Variants in RASAL3 observed in about 807,000 individuals in gnomAD.
RASAL3 encodes the protein RAS protein activator like 3.
Under a neutral mutation model 105.5 loss-of-function variants are expected in RASAL3, and 74 were observed. That is an observed-to-expected ratio of 0.70 (90% CI 0.58 to 0.85). The LOEUF (loss-of-function observed/expected upper bound fraction) is 0.85. Ranked by LOEUF, RASAL3 falls within the 40% of genes least tolerant of loss-of-function variation. RASAL3 has a pLI of 0.00. For synonymous variants in RASAL3, 579 were observed against 591.6 expected, an observed-to-expected ratio of 0.98 and a Z score of 0.31; for missense variants, 1,352 against 1,392.0, an observed-to-expected ratio of 0.97 and a Z score of 0.46.
chr19:15,453,224 C>A lies in RASAL3; in HGVS notation c.2553G>T (p.Arg851=). Residue 851 remains arginine, a synonymous_variant, in exon 15 of 18, where the codon CGG becomes CGT. Transcript: ENST00000343625. The surrounding 1 kb of genome is among the most constrained non-coding windows in gnomAD (Gnocchi z 4.2). ...GCGAGGCGGAGTCCCGGGTCCAAGG[C>A]CGGGCGCGGGGCGCTGGTCCCATGC... ...SLSMGPAPRA[R]PWTRDSASLP... 6.2e-7 allele frequency: 1 copy of A among 1,603,794 alleles called. No individual in the cohort carries two copies. The highest frequency in any genetic ancestry group is 8.5e-7 in the Non-Finnish European group (1 of 1,176,096).
At chr19:15,463,911 C>T in intron 2 of RASAL3, 120 bp downstream of exon 2, 1 of 960,288 alleles carries the variant, frequency 1.0e-6, no homozygotes, top group Non-Finnish European at 1.5e-6. Flanking sequence ...CGGCTTCCTG[C>T]TGGGCTTTTG....
At position 15,454,234 on chromosome 19, in the gene RASAL3, T is replaced by C; in HGVS notation, c.2194A>G (p.Ile732Val). ...TRDTLEPLPT[I>V]LRAIEEGQPV... ...TGGCCCTCCTCAATGGCTCGCAGGA[T>C]GGTGGGCAGTGGTTCCAGGGTGTCT... The change falls in exon 14 of 18, where the codon ATC becomes GTC. Residue 732 changes from isoleucine (I) to valine (V), a missense_variant. Physicochemically the swap from Ile to Val is conservative, Grantham distance 29. Transcript: ENST00000343625. 1 of 1,566,062 alleles carries C rather than the reference T, an allele frequency of 6.4e-7. No homozygotes were observed. The highest frequency in any genetic ancestry group is 8.7e-7 in the Non-Finnish European group (1 of 1,155,388).
rs2145452145 is a variant in RASAL3 at position 15,453,537 on chromosome 19, C to T, written c.2280-40G>A. On this transcript the variant is annotated intron_variant, in intron 14 of 17. Transcript: ENST00000343625. This position sits in a 1 kb window ranked among gnomAD's most constrained non-coding sequence, Gnocchi z 4.2. ...GAGGATCTTAGACCCTCCACTGGCC[C>T]CTGAGACGACCCCATCCCGACCTGA... 6.8e-7 allele frequency: 1 copy of T among 1,470,316 alleles called. No homozygotes were observed. The highest frequency in any genetic ancestry group is 8.9e-7 in the Non-Finnish European group (1 of 1,120,706). The allele number at this position is 1,470,316 out of a possible 1,614,324, so 91.1% of individuals were successfully genotyped here.
rs530382187 is a variant in RASAL3 at position 15,463,161 on chromosome 19, C to T, written c.328+870G>A. Among the ~76,000 whole-genome samples the T allele has an allele frequency of 2.0e-5, 3 of 151,450 alleles. No homozygotes were observed. In the East Asian group the frequency reaches 5.9e-4, roughly 30 times the overall value. Reference sequence around the variant, plus strand: ...AGTGCAGTAGTGCAATCTCAGCTCACTGCAACCTCCACCTCCCGGGTTCAA... The same window carrying T: ...AGTGCAGTAGTGCAATCTCAGCTCATTGCAACCTCCACCTCCCGGGTTCAA... On this transcript the variant is annotated intron_variant, in intron 2 of 17. Transcript: ENST00000343625.
At chr19:15,454,123 A>C (rs1599734092) in intron 14 of RASAL3, 26 bp downstream of exon 14, 1 of 1,506,896 alleles carries the variant, frequency 6.6e-7, no homozygotes, top group East Asian at 2.5e-5. Flanking sequence ...CCCACCCATC[A>C]GACCCCAGAC....
Position 15,451,647 on chromosome 19 carries a change from T to C in RASAL3, c.*148A>G, listed in dbSNP as rs1211820020. On this transcript the variant is annotated 3_prime_UTR_variant, in exon 18 of 18. Transcript: ENST00000343625. ...AATTTCACTGAAATCAAGATTTTAC[T>C]GGGCAACTTCATACTGCCAGAGTGG... The C allele has an allele frequency of 6.3e-6, 5 of 787,984 alleles. No homozygotes were observed. Among genetic ancestry groups the C allele is most frequent in the Admixed American group, 2.7e-5 (1 of 36,840 alleles). 48.8% of individuals were successfully genotyped at this position (787,984 alleles called of 1,614,324 possible). A position where few individuals can be genotyped will look rare whatever the true frequency, so the allele number is the denominator to read the frequency against.
rs746316249 is a variant in RASAL3, at chr19:15,454,214, C to T, written c.2214G>A (p.Glu738=). The T allele has an allele frequency of 2.9e-5, 45 of 1,570,858 alleles. No individual in the cohort carries two copies. The African/African-American group carries it at 3.1e-4, about 11-fold the overall frequency. The change falls in exon 14 of 18, where the codon GAG becomes GAA. Residue 738 remains glutamate, a synonymous_variant. Transcript: ENST00000343625. ...GCACTGACACAAGCACAGGCTGGCC[C>T]TCCTCAATGGCTCGCAGGATGGTGG... The part of the protein sequence containing the change: ...PLPTILRAIE[E]GQPVLVSVPM...
At position 15,458,331 on chromosome 19, in the gene RASAL3, G is replaced by C; in HGVS notation, c.885C>G (p.Thr295=). Reference sequence around the variant, plus strand: ...CCGCTTTTCTGAGGGCAATGACCTGGGTGGGCTGGAATTGGCGACGAAGGT... The same window carrying C: ...CCGCTTTTCTGAGGGCAATGACCTGCGTGGGCTGGAATTGGCGACGAAGGT... ...IEDLRRQFQP[T]QDNVEREETW... Residue 295 remains threonine, a synonymous_variant, in exon 8 of 18, where the codon ACC becomes ACG. Transcript: ENST00000343625. 2 of 1,613,352 alleles carry C rather than the reference G, an allele frequency of 1.2e-6. No homozygotes were observed. Among genetic ancestry groups the C allele is most frequent in the South Asian group, 2.2e-5 (2 of 90,940 alleles).
rs1970265688 is a variant in RASAL3 at position 15,454,736 on chromosome 19, G to A, written c.1879C>T (p.Pro627Ser). 1.4e-5 allele frequency: 22 copies of A among 1,609,882 alleles called. No individual in the cohort carries two copies. Among genetic ancestry groups the A allele is most frequent in the Non-Finnish European group, 1.8e-5 (21 of 1,178,128 alleles). ...ILAPSLFGLA[P>S]DHPAPGPART... ...GCTGGGCCGGGTGCTGGATGGTCTG[G>A]TGCCAAACCAAAGAGGCTGGGTGCC... Residue 627 changes from proline (P) to serine (S), a missense_variant, in exon 12 of 18, where the codon CCA (proline) becomes TCA (serine). Pro to Ser is a moderately conservative substitution (Grantham distance 74, BLOSUM62 -1). Coordinates refer to ENST00000343625, the MANE Select transcript of RASAL3 (RefSeq NM_022904.3).
Position 15,464,518 on chromosome 19 carries a change from C to CAG in RASAL3, c.-34_-33insCT. The CAG allele has an allele frequency of 1.4e-6, 1 of 736,920 alleles. No individual in the cohort carries two copies. The highest frequency in any genetic ancestry group is 1.8e-5 in the African/African-American group (1 of 56,792). The allele number at this position is 736,920 out of a possible 1,614,324, so 45.6% of individuals were successfully genotyped here. A position where few individuals can be genotyped will look rare whatever the true frequency, so the allele number is the denominator to read the frequency against. On this transcript the variant is annotated 5_prime_UTR_variant, in exon 1 of 18. Coordinates refer to ENST00000343625, the MANE Select transcript of RASAL3 (RefSeq NM_022904.3). The stretch of plus-strand genomic sequence containing the variant: ...TCCCTCCCTTACCTTGGTTTCCTGA[C>CAG]CAGCCCCAGAATCAGCAGCCGTCTG...
In RASAL3 at chr19:15,451,794, C is replaced by G. The variant is rs1329174681; in HGVS notation, c.*1G>C. Reference sequence around the variant, plus strand: ...ACGTGTGATGAGGCAGGATGGGCAGCTCAGGTGGTGTCTCCATTGAGGCAG... The same window carrying G: ...ACGTGTGATGAGGCAGGATGGGCAGGTCAGGTGGTGTCTCCATTGAGGCAG... On this transcript the variant is annotated 3_prime_UTR_variant, in exon 18 of 18. Coordinates refer to ENST00000343625, the MANE Select transcript of RASAL3 (RefSeq NM_022904.3). 25 of 1,591,756 alleles carry G rather than the reference C, an allele frequency of 1.6e-5. No homozygotes were observed. In the Admixed American group the frequency reaches 4.0e-4, roughly 26 times the overall value.
chr19:15,456,680 GCAGA>G lies in RASAL3; in HGVS notation c.1432-38_1432-35del, dbSNP rs763885800. On this transcript the variant is annotated intron_variant, in intron 9 of 17. Coordinates refer to ENST00000343625, the MANE Select transcript of RASAL3 (RefSeq NM_022904.3). The surrounding 1 kb of genome is among the most constrained non-coding windows in gnomAD (Gnocchi z 4.4). Reference sequence around the variant, plus strand: ...GGCAGGAGGTCAGGTTGCACCAGATGCAGACAGAGTCCAAGGGAATTCGGATCCT... The same window carrying G: ...GGCAGGAGGTCAGGTTGCACCAGATGCAGAGTCCAAGGGAATTCGGATCCT... 4 of 1,602,256 alleles carry G rather than the reference GCAGA, an allele frequency of 2.5e-6. No individual in the cohort carries two copies. Among genetic ancestry groups the G allele is most frequent in the Non-Finnish European group, 3.4e-6 (4 of 1,176,812 alleles).
Position 15,452,640 on chromosome 19 carries a change from G to C in RASAL3, c.2828+18C>G. 1 of 1,522,172 alleles carries C rather than the reference G, an allele frequency of 6.6e-7. No homozygotes were observed. The highest frequency in any genetic ancestry group is 2.1e-5 in the Admixed American group (1 of 46,966). The allele number at this position is 1,522,172 out of a possible 1,614,324, so 94.3% of individuals were successfully genotyped here. A position where few individuals can be genotyped will look rare whatever the true frequency, so the allele number is the denominator to read the frequency against. ...GGGCCCACCTGGGGGCGGAGCTAAT[G>C]GAGAGGGCTGGGCTCACCCAGCACG... On this transcript the variant is annotated intron_variant, in intron 16 of 17. Coordinates refer to ENST00000343625, the MANE Select transcript of RASAL3 (RefSeq NM_022904.3).
intron 16 of RASAL3, chr19:15,452,442 G>A: frequency 1.7e-6 from 1 of 596,846 alleles, no homozygotes; most frequent in Non-Finnish European, 3.0e-6. Flanking sequence ...GCCTGGATGA[G>A]AGAATCTGCC....
At chr19:15,454,609 C>A in intron 12 of RASAL3, 47 bp from the exon 13 acceptor site, 1 of 1,612,372 alleles carries the variant, frequency 6.2e-7, no homozygotes, top group Non-Finnish European at 8.5e-7. Flanking sequence ...ACCTGCCACC[C>A]CCACACTCCC....
rs1970168140 is a variant in RASAL3 at position 15,452,069 on chromosome 19, A to G, written c.2868T>C (p.Asn956=). The G allele has an allele frequency of 6.2e-7, 1 of 1,613,876 alleles. No individual in the cohort carries two copies. The highest frequency in any genetic ancestry group is 8.5e-7 in the Non-Finnish European group (1 of 1,179,846). Residue 956 remains asparagine, a synonymous_variant, in exon 17 of 18, where the codon AAT becomes AAC. Coordinates refer to ENST00000343625, the MANE Select transcript of RASAL3 (RefSeq NM_022904.3). ...EFDSEHNLTS[N]EGHSLKNLEH... The stretch of plus-strand genomic sequence containing the variant: ...CCAGGTTTTTCAGACTGTGCCCTTC[A>G]TTGCTTGTTAGGTTGTGCTCTGAAT...
Position 15,457,376 on chromosome 19 carries a change from G to A in RASAL3, c.1347C>T (p.Ala449=). 1.4e-6 allele frequency: 2 copies of A among 1,437,722 alleles called. No individual in the cohort carries two copies. The highest frequency in any genetic ancestry group is 3.2e-5 in the East Asian group (1 of 31,548). 89.1% of individuals were successfully genotyped at this position (1,437,722 alleles called of 1,614,324 possible). Residue 449 remains alanine (A), a synonymous_variant, in exon 9 of 18, where the codon GCC becomes GCT. Coordinates refer to ENST00000343625, the MANE Select transcript of RASAL3 (RefSeq NM_022904.3). The surrounding 1 kb of genome is among the most constrained non-coding windows in gnomAD (Gnocchi z 8.6). The part of the protein sequence containing the change: ...LTFHYARLCG[A]LEPALPAQAK... ...CCTGCGCAGGCAGCGCGGGCTCCAG[G>A]GCCCCGCAGAGGCGCGCATAGTGGA...
Position 15,452,305 on chromosome 19 carries a change from AT to A in RASAL3, c.2829-198del, listed in dbSNP as rs1235713219. On this transcript the variant is annotated intron_variant, in intron 16 of 17. Transcript: ENST00000343625. ...ATGGTTGGAATGACAGGACCTATCA[AT>A]CATCCCTTGGAGGTGGGGTTTGGCC... 8.0e-6 allele frequency: 5 copies of A among 626,112 alleles called. No homozygotes were observed. In the African/African-American group the frequency reaches 9.1e-5, roughly 11 times the overall value. 38.8% of individuals were successfully genotyped at this position (626,112 alleles called of 1,614,324 possible).
chr19:15,459,878 G>A (rs1321470379), intron 6 of RASAL3, among the ~76,000 whole-genome samples: 2 of 152,094 alleles, frequency 1.3e-5, no homozygotes, highest in East Asian at 1.9e-4. Flanking sequence ...TGCACTTGTT[G>A]TTCCTTCTGC....
Sources: allele counts gnomAD v4.1 joint callset (sites outside exome capture counted in the v4.1 genomes callset), GRCh38; gene constraint gnomAD v4.1.1; non-coding constraint Gnocchi (gnomAD v3.1); transcripts MANE v1.5; gene names NCBI Gene and HGNC (gene_info 2026-07-23, HGNC 2026-07-21).